The following THAP8 variants were observed in gnomAD, a reference collection of about 807,000 sequenced individuals.
The protein encoded by THAP8 is THAP domain containing 8.
Under a neutral mutation model 25.0 loss-of-function variants are expected in THAP8, and 24 were observed. The ratio of observed to expected loss-of-function variants is 0.96; its 90% CI spans 0.69 to 1.35. THAP8 has a LOEUF of 1.35. THAP8 is among the 40% of genes most tolerant of loss of function. THAP8 has a pLI of 0.00. For missense variants in THAP8, 399 were observed against 368.8 expected, an observed-to-expected ratio of 1.08 and a Z score of -0.67; for synonymous variants, 169 against 157.6, an observed-to-expected ratio of 1.07 and a Z score of -0.54.
Position 36,054,155 on chromosome 19 carries a change from G to A in THAP8, c.63C>T (p.Asn21=). 2 of 1,614,042 alleles carry A rather than the reference G, an allele frequency of 1.2e-6. No homozygotes were observed. The highest frequency in any genetic ancestry group is 1.7e-6 in the Non-Finnish European group (2 of 1,179,956). The part of the protein sequence containing the change: ...SNTAGRLGAD[N]RPVSFYKFPL... The stretch of plus-strand genomic sequence containing the variant: ...CTCACTTGTAGAAGCTCACAGGGCG[G>A]TTGTCTGCACCCAGGCGGCCCGCAG... The change falls in exon 1 of 4, where the codon AAC becomes AAT. Residue 21 remains asparagine, a synonymous_variant. Transcript: ENST00000292894.
Position 36,039,502 on chromosome 19 carries a change from G to C in THAP8, c.493C>G (p.Pro165Ala), listed in dbSNP as rs1415759800. 6.3e-7 allele frequency: 1 copy of C among 1,582,460 alleles called. No individual in the cohort carries two copies. Among genetic ancestry groups the C allele is most frequent in the South Asian group, 1.1e-5 (1 of 87,740 alleles). ...PTPERSQPEV[P>A]AQQAQTGLGP... ...AGCCCGGTCTGGGCCTGTTGGGCAG[G>C]GACTTCAGGTTGTGACCGCTCAGGA... Residue 165 changes from proline (P) to alanine (A), a missense_variant, in exon 3 of 4, where the codon CCT (proline) becomes GCT (alanine). Transcript: ENST00000292894.
chr19:36,035,547 T>C lies in THAP8; in HGVS notation c.718A>G (p.Ile240Val), dbSNP rs1333913602. 4 of 1,613,988 alleles carry C rather than the reference T, an allele frequency of 2.5e-6. No homozygotes were observed. Among genetic ancestry groups the C allele is most frequent in the African/African-American group, 1.3e-5 (1 of 74,982 alleles). Reference sequence around the variant, plus strand: ...GCTATGTCAGGCCCTCCACAGATGATGGTGAAGGTTTGGGATTCCTCAGGT... The same window carrying C: ...GCTATGTCAGGCCCTCCACAGATGACGGTGAAGGTTTGGGATTCCTCAGGT... ...LGPEESQTFT[I>V]ICGGPDIAMV... The change falls in exon 4 of 4, where the codon ATC (isoleucine) becomes GTC (valine). Residue 240 changes from isoleucine to valine, a missense_variant. Coordinates refer to ENST00000292894, the MANE Select transcript of THAP8 (RefSeq NM_152658.3).
intron 1 of THAP8, among the ~76,000 whole-genome samples, chr19:36,048,640 C>T (rs917458147): frequency 6.6e-6 from 1 of 151,884 alleles, no homozygotes; most frequent in African/African-American, 2.4e-5. Flanking sequence ...GCTGGGATTA[C>T]AGGTGTGAGC....
At chr19:36,054,588 C>G, upstream of THAP8, 1 of 541,104 alleles carries the variant, frequency 1.8e-6, no homozygotes, top group South Asian at 2.1e-5. Flanking sequence ...CGCCTACATC[C>G]GGGCAACCGT....
At chr19:36,049,340 G>A (rs1026492558) in intron 1 of THAP8, among the ~76,000 whole-genome samples, 6 of 152,066 alleles carry the variant, frequency 3.9e-5, no homozygotes, top group African/African-American at 1.4e-4. Flanking sequence ...ACTCCAGCCT[G>A]GGTGACAAAG....
chr19:36,053,741 G>A (rs1486261316), intron 1 of THAP8, among the ~76,000 whole-genome samples: 1 of 152,092 alleles, frequency 6.6e-6, no homozygotes, highest in Non-Finnish European at 1.5e-5. Context: ...AATGAAGCAC[G>A]CTACTAAGAT....
At chr19:36,054,421 A>T (rs563248213), upstream of THAP8, 4 of 629,630 alleles carry the variant, frequency 6.4e-6, no homozygotes, top group African/African-American at 1.8e-5. Context: ...TCGTCACGTG[A>T]CGAATGGGCC....
intron 3 of THAP8, among the ~76,000 whole-genome samples, chr19:36,038,558 T>C (rs564831942): frequency 1.3e-5 from 2 of 152,160 alleles, no homozygotes; most frequent in South Asian, 4.1e-4. Context: ...TTTTAAAAAT[T>C]AACCTTGTAG....
Position 36,039,396 on chromosome 19 carries a change from G to A in THAP8, c.599C>T (p.Ala200Val), listed in dbSNP as rs1390392167. Reference sequence around the variant, plus strand: ...TAGCTGCTGTGCCAGCCGTTCCAGGGCCTGCAGCTGCGCCTGGTGCCGCTC... The same window carrying A: ...TAGCTGCTGTGCCAGCCGTTCCAGGACCTGCAGCTGCGCCTGGTGCCGCTC... ...CQERHQAQLQ[A>V]LERLAQQLHG... The change falls in exon 3 of 4, where the codon GCC becomes GTC. Residue 200 changes from alanine to valine, a missense_variant. Ala to Val is a moderately conservative substitution (Grantham distance 64). Transcript: ENST00000292894. The A allele has an allele frequency of 1.5e-5, 23 of 1,547,446 alleles. No homozygotes were observed. The highest frequency in any genetic ancestry group is 2.0e-5 in the Non-Finnish European group (23 of 1,149,230).
rs768830570 is a variant in THAP8 at position 36,054,246 on chromosome 19, G to C, written c.-29C>G. On this transcript the variant is annotated 5_prime_UTR_variant, in exon 1 of 4. Transcript: ENST00000292894. The stretch of plus-strand genomic sequence containing the variant: ...TATCCAGCCCCCGCTGAGTTTTGCC[G>C]GGTCAGCGGCTGCACTTTGGTTCTC... 8 of 1,607,184 alleles carry C rather than the reference G, an allele frequency of 5.0e-6. No homozygotes were observed. The highest frequency in any genetic ancestry group is 5.9e-6 in the Non-Finnish European group (7 of 1,176,890).
rs1490510013 is a variant in THAP8 at position 36,053,360 on chromosome 19, G to T, written c.83+775C>A. ...TGGGATTACAGGCGTGAGCCACCAA[G>T]CCTGGCAAAAAAAAAAAAAAAAAAA... On this transcript the variant is annotated intron_variant, in intron 1 of 3. Coordinates refer to ENST00000292894, the MANE Select transcript of THAP8 (RefSeq NM_152658.3). 3.1e-4 allele frequency among the ~76,000 whole-genome samples: 30 copies of T among 96,534 alleles called. No homozygotes were observed. The East Asian group carries it at 9.2e-3, about 30-fold the overall frequency. 63.3% of individuals were successfully genotyped at this position (96,534 alleles called of 152,430 possible).
chr19:36,035,344 C>T lies in THAP8; in HGVS notation c.*96G>A. 6.7e-7 allele frequency: 1 copy of T among 1,485,686 alleles called. No homozygotes were observed. The allele number at this position is 1,485,686 out of a possible 1,614,324, so 92.0% of individuals were successfully genotyped here. A position where few individuals can be genotyped will look rare whatever the true frequency, so the allele number is the denominator to read the frequency against. Reference sequence around the variant, plus strand: ...CCCTTGAGGGAGGCACTGCTACTACCCAGGCGTGGGCGGTGGGGCTGGGCC... The same window carrying T: ...CCCTTGAGGGAGGCACTGCTACTACTCAGGCGTGGGCGGTGGGGCTGGGCC... On this transcript the variant is annotated 3_prime_UTR_variant, in exon 4 of 4. Transcript: ENST00000292894.
intron 1 of THAP8, among the ~76,000 whole-genome samples, chr19:36,040,418 C>A (rs551804651): frequency 2.0e-5 from 3 of 152,296 alleles, no homozygotes; most frequent in Non-Finnish European, 2.9e-5. Flanking sequence ...CCTCCGCCTC[C>A]TGGGTTCAAA....
intron 1 of THAP8, among the ~76,000 whole-genome samples, chr19:36,050,790 T>C (rs1970033897): frequency 6.6e-6 from 1 of 152,208 alleles, no homozygotes; most frequent in Non-Finnish European, 1.5e-5. Flanking sequence ...GCCAGAGTCA[T>C]ACACAGGCTT....
intron 1 of THAP8, among the ~76,000 whole-genome samples, chr19:36,048,841 T>TAAAA (rs1204599378): frequency 4.9e-4 from 41 of 83,842 alleles, no homozygotes; most frequent in Admixed American, 6.3e-4. Flanking sequence ...ACCCCTTCTT[T>TAAAA]AAAAAAAAAA....
Position 36,054,237 on chromosome 19 carries a change from AG to A in THAP8, c.-21del. On this transcript the variant is annotated 5_prime_UTR_variant, in exon 1 of 4. Coordinates refer to ENST00000292894, the MANE Select transcript of THAP8 (RefSeq NM_152658.3). ...GGGCATGGCTATCCAGCCCCCGCTGAGTTTTGCCGGGTCAGCGGCTGCACTT... is the reference window on the plus strand; with the variant it reads ...GGGCATGGCTATCCAGCCCCCGCTGATTTTGCCGGGTCAGCGGCTGCACTT... 1 of 1,611,210 alleles carries A rather than the reference AG, an allele frequency of 6.2e-7. No individual in the cohort carries two copies. The highest frequency in any genetic ancestry group is 8.5e-7 in the Non-Finnish European group (1 of 1,178,782).
intron 1 of THAP8, chr19:36,045,646 G>T: frequency 2.3e-6 from 1 of 441,932 alleles, no homozygotes; most frequent in South Asian, 1.6e-5. Flanking sequence ...GGTCATCCGG[G>T]TTGGCCCTAA....
upstream of THAP8, chr19:36,054,565 C>T (rs1028558716): frequency 3.7e-6 from 2 of 545,960 alleles, no homozygotes; most frequent in Non-Finnish European, 3.3e-6. Flanking sequence ...CAATCTCTTA[C>T]GGCTCCACCC....
chr19:36,048,678 T>C (rs1969955597), intron 1 of THAP8, among the ~76,000 whole-genome samples: 1 of 151,722 alleles, frequency 6.6e-6, no homozygotes. Context: ...TGGGACTTCA[T>C]TTCTACAAAA....
Sources: allele counts gnomAD v4.1 joint callset (sites outside exome capture counted in the v4.1 genomes callset), GRCh38; gene constraint gnomAD v4.1.1; transcripts MANE v1.5; gene names NCBI Gene and HGNC (gene_info 2026-07-23, HGNC 2026-07-21).